Variants in RAB20 observed in about 807,000 individuals in gnomAD.
RAB20 encodes the protein RAB20, member RAS oncogene family.
RAB20 carries 2 observed loss-of-function variants against 3.7 expected under a neutral mutation model. The ratio of observed to expected loss-of-function variants is 0.54; its 90% confidence interval spans 0.22 to 1.69. The LOEUF (loss-of-function observed/expected upper bound fraction) is 1.69, where lower values mean the gene tolerates loss of function less well. RAB20 is among the 40% of genes most tolerant of loss of function. The pLI is 0.19. For synonymous variants in RAB20, 126 were observed against 130.8 expected, an observed-to-expected ratio of 0.96 and a Z score of 0.25; for missense variants, 276 against 311.9, an observed-to-expected ratio of 0.88 and a Z score of 0.87.
intron 1 of RAB20, among the ~76,000 whole-genome samples, chr13:110,533,414 G>A (rs945336751): frequency 2.0e-5 from 3 of 152,182 alleles, no homozygotes; most frequent in African/African-American, 7.2e-5. Context: ...CAGGCACAGT[G>A]GTTCATACCT....
At chr13:110,545,175 T>TA (rs1364990707) in intron 1 of RAB20, among the ~76,000 whole-genome samples, 3 of 152,140 alleles carry the variant, frequency 2.0e-5, no homozygotes, top group African/African-American at 7.2e-5. Context: ...CAGTCTCCAT[T>TA]AAAAAATACC....
chr13:110,531,399 T>G (rs566143724), intron 1 of RAB20, among the ~76,000 whole-genome samples: 1 of 152,384 alleles, frequency 6.6e-6, no homozygotes, highest in African/African-American at 2.4e-5. Flanking sequence ...ATCCTGGAAG[T>G]GCCGGCTAAT....
At chr13:110,538,606 AAAAAAAAAAAAAG>A (rs887639935) in intron 1 of RAB20, among the ~76,000 whole-genome samples, 1 of 136,136 alleles carries the variant, frequency 7.3e-6, no homozygotes, top group African/African-American at 2.9e-5. Context: ...TCAAAAAAAA[AAAAAAAAAAAAAG>A]AAAGAAAAGA....
chr13:110,555,263 A>G lies in RAB20; in HGVS notation c.172+6085T>C, dbSNP rs1215031423. ...CCCACCACAAACCTCCAACTACTCT[A>G]ACGCGCCGGAATAGAACTCAAATGA... is the stretch of plus-strand genomic sequence containing the variant. On this transcript the variant is annotated intron_variant, in intron 1 of 1. Coordinates refer to ENST00000267328, the MANE Select transcript of RAB20 (RefSeq NM_017817.3). The surrounding 1 kb of genome is among the most constrained non-coding windows in gnomAD (Gnocchi z 4.0). 6.6e-6 allele frequency among the ~76,000 whole-genome samples: 1 copy of G among 152,172 alleles called. No individual in the cohort carries two copies. The highest frequency in any genetic ancestry group is 1.9e-4 in the East Asian group (1 of 5,190).
At chr13:110,533,724 C>G (rs1217241283) in intron 1 of RAB20, among the ~76,000 whole-genome samples, 1 of 150,606 alleles carries the variant, frequency 6.6e-6, no homozygotes, top group Non-Finnish European at 1.5e-5. Context: ...ACCATCCCCT[C>G]AGGAGCATTA....
At chr13:110,545,317 C>T (rs546611011) in intron 1 of RAB20, among the ~76,000 whole-genome samples, 124 of 152,300 alleles carry the variant, frequency 8.1e-4, no homozygotes, top group Middle Eastern at 3.4e-3. Flanking sequence ...TAAATATATA[C>T]GCCTACTATG....
At chr13:110,554,276 C>A (rs1885002649) in intron 1 of RAB20, among the ~76,000 whole-genome samples, 2 of 152,210 alleles carry the variant, frequency 1.3e-5, no homozygotes, top group Non-Finnish European at 2.9e-5. Flanking sequence ...GGGGTCCCTG[C>A]CAAAGAGAGC....
At chr13:110,545,977 C>T (rs1457476197) in intron 1 of RAB20, among the ~76,000 whole-genome samples, 3 of 152,114 alleles carry the variant, frequency 2.0e-5, no homozygotes, top group African/African-American at 7.2e-5. Context: ...CACCCAGAAG[C>T]CAGGACCAAG....
At chr13:110,538,455 A>C (rs1173223122) in intron 1 of RAB20, among the ~76,000 whole-genome samples, 1 of 151,200 alleles carries the variant, frequency 6.6e-6, no homozygotes, top group Admixed American at 6.6e-5. Context: ...AAAATACAAA[A>C]ATTAGCAGGG....
chr13:110,558,557 T>C (rs1885078611), intron 1 of RAB20, among the ~76,000 whole-genome samples: 2 of 151,690 alleles, frequency 1.3e-5, no homozygotes, highest in African/African-American at 4.9e-5. Flanking sequence ...CTAATTTTTG[T>C]ATTTTTAGTA....
chr13:110,537,227 G>A (rs985191272), intron 1 of RAB20, among the ~76,000 whole-genome samples: 11 of 151,534 alleles, frequency 7.3e-5, no homozygotes, highest in Middle Eastern at 3.4e-3. Flanking sequence ...GAACTCCTGC[G>A]CTCAAGCAGT....
At chr13:110,561,316 G>A in intron 1 of RAB20, 32 bp downstream of exon 1, 1 of 1,557,446 alleles carries the variant, frequency 6.4e-7, no homozygotes, top group South Asian at 1.2e-5. Flanking sequence ...CGGAGCCCCA[G>A]GGCGGTGTGG....
At chr13:110,532,832 CTACACCCAGCTAA>C (rs1884566963) in intron 1 of RAB20, among the ~76,000 whole-genome samples, 1 of 152,168 alleles carries the variant, frequency 6.6e-6, no homozygotes, top group Non-Finnish European at 1.5e-5. Flanking sequence ...GTGCATACCA[CTACACCCAGCTAA>C]TTTCTTTTAT....
chr13:110,552,286 G>A (rs1465035475), intron 1 of RAB20, among the ~76,000 whole-genome samples: 6 of 151,770 alleles, frequency 4.0e-5, no homozygotes, highest in African/African-American at 1.2e-4. Context: ...AGCTGAGGCA[G>A]GAGAATCACT....
chr13:110,550,757 G>T (rs1453971536), intron 1 of RAB20, among the ~76,000 whole-genome samples: 1 of 152,086 alleles, frequency 6.6e-6, no homozygotes, highest in African/African-American at 2.4e-5. Context: ...TAAAATCCAA[G>T]GTTTTGGGCT....
In RAB20 at chr13:110,533,058, G is replaced by T. The variant is rs148142280; in HGVS notation, c.173-8861C>A. ...CCTGGCAGGGAGCTCACAAAACATC[G>T]ATGTGACAACCTGAGGAAAGGAAAA... On this transcript the variant is annotated intron_variant, in intron 1 of 1. Transcript: ENST00000267328. Among the ~76,000 whole-genome samples, 378 of 152,314 alleles carry T rather than the reference G, an allele frequency of 2.5e-3. 1 individual carries two copies. Among genetic ancestry groups the T allele is most frequent in the Non-Finnish European group, 3.7e-3 (255 of 68,038 alleles).
chr13:110,525,255 C>T (rs2479427), intron 1 of RAB20, among the ~76,000 whole-genome samples: 5,456 of 152,310 alleles, frequency 0.036, 304 homozygotes, highest in African/African-American at 0.12. Flanking sequence ...CTGGAACACC[C>T]GCCACCGTCC....
At position 110,561,582 on chromosome 13, in the gene RAB20, C is replaced by T. The variant is rs1289329731; in HGVS notation, c.-63G>A. The T allele has an allele frequency of 1.3e-6, 2 of 1,497,236 alleles. No homozygotes were observed. Among genetic ancestry groups the T allele is most frequent in the Non-Finnish European group, 1.8e-6 (2 of 1,126,300 alleles). 92.7% of individuals were successfully genotyped at this position (1,497,236 alleles called of 1,614,324 possible). A position where few individuals can be genotyped will look rare whatever the true frequency, so the allele number is the denominator to read the frequency against. Reference sequence around the variant, plus strand: ...CCCGAGGCTGGCCGGCTCGTGCGCCCTGGGCGCAGCTGGAGGAGCGGACCC... The same window carrying T: ...CCCGAGGCTGGCCGGCTCGTGCGCCTTGGGCGCAGCTGGAGGAGCGGACCC... On this transcript the variant is annotated 5_prime_UTR_variant, in exon 1 of 2. Transcript: ENST00000267328.
At chr13:110,554,474 C>T (rs1885006393) in intron 1 of RAB20, among the ~76,000 whole-genome samples, 1 of 152,200 alleles carries the variant, frequency 6.6e-6, no homozygotes, top group Non-Finnish European at 1.5e-5. Context: ...TCTCATTCGG[C>T]ACCTTCACCC....
Sources: allele counts gnomAD v4.1 joint callset (sites outside exome capture counted in the v4.1 genomes callset), GRCh38; gene constraint gnomAD v4.1.1; non-coding constraint Gnocchi (gnomAD v3.1); transcripts MANE v1.5; gene names NCBI Gene and HGNC (gene_info 2026-07-23, HGNC 2026-07-21).